TNKS: variants seen among roughly 807,000 people sequenced by gnomAD.
TNKS encodes tankyrase.
TNKS carries 72 observed loss-of-function variants against 135.8 expected under a neutral mutation model. The observed-to-expected ratio is 0.53, with a 90% confidence interval of 0.44 to 0.64. The LOEUF (loss-of-function observed/expected upper bound fraction) is 0.64. Ranked by LOEUF, TNKS falls within the 30% of genes least tolerant of loss-of-function variation. TNKS has a pLI of 0.00. For missense variants in TNKS, 1,769 were observed against 1,674.0 expected (o/e 1.06, Z -0.99); for synonymous variants, 849 against 649.3 (o/e 1.31, Z -4.68).
At chr8:9,564,807 T>C (rs1797462577) in intron 1 of TNKS, among the ~76,000 whole-genome samples, 3 of 152,238 alleles carry the variant, frequency 2.0e-5, no homozygotes, top group Admixed American at 6.5e-5. Flanking sequence ...ATAAGATGGG[T>C]TGGAGTCTGA....
intron 3 of TNKS, among the ~76,000 whole-genome samples, chr8:9,649,206 A>C (rs892604649): frequency 1.3e-5 from 2 of 152,250 alleles, no homozygotes; most frequent in African/African-American, 4.8e-5. Context: ...TTTTGAGCAC[A>C]GAGCTACTTG....
chr8:9,630,394 A>T (rs572609361), intron 3 of TNKS, among the ~76,000 whole-genome samples: 1 of 152,208 alleles, frequency 6.6e-6, no homozygotes, highest in African/African-American at 2.4e-5. Context: ...GGAATTGACA[A>T]TGAGAAGATT....
At chr8:9,623,894 C>G (rs1431839501) in intron 3 of TNKS, among the ~76,000 whole-genome samples, 1 of 151,956 alleles carries the variant, frequency 6.6e-6, no homozygotes, top group South Asian at 2.1e-4. Flanking sequence ...CCCAGCCACT[C>G]CGGAGGGTGA....
intron 5 of TNKS, among the ~76,000 whole-genome samples, chr8:9,694,206 C>T (rs923251661): frequency 6.6e-6 from 1 of 152,176 alleles, no homozygotes; most frequent in Non-Finnish European, 1.5e-5. Context: ...TCGGATTATC[C>T]TTGTCCTCTC....
At chr8:9,719,419 A>G (rs1247728740) in intron 11 of TNKS, among the ~76,000 whole-genome samples, 3 of 152,214 alleles carry the variant, frequency 2.0e-5, no homozygotes, top group Non-Finnish European at 4.4e-5. Context: ...TGTGTGTAAC[A>G]TGCACTCATA....
At chr8:9,645,978 C>G (rs1194979488) in intron 3 of TNKS, among the ~76,000 whole-genome samples, 1 of 152,124 alleles carries the variant, frequency 6.6e-6, no homozygotes, top group Non-Finnish European at 1.5e-5. Context: ...CTCCATTGCC[C>G]TACCCTCAAC....
chr8:9,596,320 A>G (rs757190813), intron 2 of TNKS, among the ~76,000 whole-genome samples: 98 of 152,248 alleles, frequency 6.4e-4, no homozygotes, highest in Non-Finnish European at 1.3e-3. Context: ...CAGTTTTAAT[A>G]CTGAAATGTG....
In TNKS at chr8:9,720,235, A is replaced by G. The variant is rs981643286; in HGVS notation, c.1750-139A>G. 3 of 782,012 alleles carry G rather than the reference A, an allele frequency of 3.8e-6. No individual in the cohort carries two copies. The African/African-American group carries it at 5.4e-5, about 14-fold the overall frequency. The allele number at this position is 782,012 out of a possible 1,614,324, so 48.4% of individuals were successfully genotyped here. A position where few individuals can be genotyped will look rare whatever the true frequency, so the allele number is the denominator to read the frequency against. ...GATAGTTCTTCAGAATCAGTGAGCA[A>G]AAGTTTATAATCAATATCTATGAGA... On this transcript the variant is annotated intron_variant, in intron 11 of 26. Transcript: ENST00000310430.
chr8:9,771,418 C>A, intron 26 of TNKS, among the ~76,000 whole-genome samples: 2 of 70,120 alleles, frequency 2.9e-5, no homozygotes, highest in African/African-American at 9.9e-5. Context: ...GAGACAGATA[C>A]TAAGGAAGGG....
chr8:9,748,140 C>T lies in TNKS; in HGVS notation c.2760C>T (p.Ala920=). 1 of 1,614,070 alleles carries T rather than the reference C, an allele frequency of 6.2e-7. No individual in the cohort carries two copies. The highest frequency in any genetic ancestry group is 2.2e-5 in the East Asian group (1 of 44,884). ...AGAAAGGAAGGACGCAGCTGTGCGC[C>T]CTCCTCCTAGCGCATGGTGCAGACC... ...AAQKGRTQLC[A]LLLAHGADPT... Residue 920 remains alanine (A), a synonymous_variant, in exon 18 of 27, where the codon GCC becomes GCT. Transcript: ENST00000310430.
chr8:9,766,171 T>G, intron 24 of TNKS, 68 bp from the exon 25 acceptor site: 1 of 1,325,920 alleles, frequency 7.5e-7, no homozygotes, highest in South Asian at 1.4e-5. Context: ...CCGATGCAAA[T>G]AGTGTGCAGG....
intron 26 of TNKS, among the ~76,000 whole-genome samples, chr8:9,773,776 G>A (rs779305598): frequency 1.1e-4 from 16 of 151,748 alleles, no homozygotes; most frequent in Non-Finnish European, 1.8e-4. Flanking sequence ...TTTTATTTCC[G>A]GGGAGGATAA....
At chr8:9,747,407 G>A (rs1806296777) in intron 17 of TNKS, among the ~76,000 whole-genome samples, 1 of 151,610 alleles carries the variant, frequency 6.6e-6, no homozygotes, top group African/African-American at 2.4e-5. Context: ...AATGGTTCAG[G>A]GTCTCATCAC....
intron 1 of TNKS, among the ~76,000 whole-genome samples, chr8:9,572,547 C>T (rs1244427005): frequency 3.3e-5 from 5 of 152,134 alleles, no homozygotes; most frequent in African/African-American, 1.2e-4. Context: ...TCCCTAATTC[C>T]TAGTTTCGGG....
At chr8:9,687,929 C>T (rs764617814) in intron 5 of TNKS, among the ~76,000 whole-genome samples, 7 of 152,062 alleles carry the variant, frequency 4.6e-5, no homozygotes, top group South Asian at 2.1e-4. Flanking sequence ...ACAAGTAAAC[C>T]GAACTTTACA....
At chr8:9,718,028 G>A (rs1804693548) in intron 11 of TNKS, among the ~76,000 whole-genome samples, 2 of 138,198 alleles carry the variant, frequency 1.4e-5, no homozygotes, top group Admixed American at 1.5e-4. Context: ...GAAGTTATTA[G>A]TTAGTCCAAA....
chr8:9,579,124 C>A (rs942594044), intron 1 of TNKS, among the ~76,000 whole-genome samples: 3 of 152,130 alleles, frequency 2.0e-5, no homozygotes, highest in African/African-American at 7.2e-5. Flanking sequence ...CTGACTCCCC[C>A]TAAACCCCCA....
At chr8:9,724,060 C>T (rs934303594) in intron 12 of TNKS, among the ~76,000 whole-genome samples, 3 of 151,978 alleles carry the variant, frequency 2.0e-5, no homozygotes, top group South Asian at 2.1e-4. Context: ...TGCTTCCTAG[C>T]GTTTCTAACT....
At chr8:9,628,449 C>T (rs1450751016) in intron 3 of TNKS, among the ~76,000 whole-genome samples, 1 of 152,080 alleles carries the variant, frequency 6.6e-6, no homozygotes, top group Non-Finnish European at 1.5e-5. Context: ...CAGCATTCAA[C>T]AAAATTTATT....
Sources: gnomAD v4.1 joint callset for allele counts (sites outside exome capture counted in the v4.1 genomes callset) on GRCh38, gnomAD v4.1.1 for gene constraint, MANE v1.5 for transcripts, NCBI Gene and HGNC (gene_info 2026-07-23, HGNC 2026-07-21) for gene names.